The following SLC26A8 variants were observed in gnomAD, a reference collection of about 807,000 sequenced individuals.
SLC26A8 encodes the protein solute carrier family 26 member 8.
SLC26A8 carries 70 observed loss-of-function variants against 105.0 expected under a neutral mutation model. The observed-to-expected ratio is 0.67, with a 90% CI of 0.55 to 0.81. The LOEUF (loss-of-function observed/expected upper bound fraction) is 0.81. SLC26A8 is among the 40% of genes least tolerant of loss of function. The pLI, the probability that SLC26A8 is intolerant of heterozygous loss-of-function variation, is 0.00. For synonymous variants in SLC26A8, 415 were observed against 438.3 expected, an observed-to-expected ratio of 0.95 and a Z score of 0.66; for missense variants, 998 against 1,181.8, an observed-to-expected ratio of 0.84 and a Z score of 2.28.
chr6:35,987,265 G>A lies in SLC26A8; in HGVS notation c.942+4394C>T, dbSNP rs114282540. On this transcript the variant is annotated intron_variant, in intron 7 of 19. Coordinates refer to ENST00000490799, the MANE Select transcript of SLC26A8 (RefSeq NM_052961.4). ...TGAGATTGTAGCATTTTAACACATC[G>A]AAGTTATTTTTTTGCCCACACAAAG... Among the ~76,000 whole-genome samples, 582 of 152,286 alleles carry A rather than the reference G, an allele frequency of 3.8e-3. 3 individuals carry two copies. The highest frequency in any genetic ancestry group is 0.017 in the Middle Eastern group (5 of 294).
intron 7 of SLC26A8, among the ~76,000 whole-genome samples, chr6:35,983,264 A>G (rs1212257169): frequency 6.6e-6 from 1 of 152,226 alleles, no homozygotes; most frequent in East Asian, 1.9e-4. Flanking sequence ...TATATAATTA[A>G]GAGGCAAGAA....
At chr6:36,012,112 G>A (rs1298657086) in intron 3 of SLC26A8, 121 bp downstream of exon 3, 5 of 1,344,688 alleles carry the variant, frequency 3.7e-6, no homozygotes, top group Non-Finnish European at 4.1e-6. Flanking sequence ...AAATGGTAAT[G>A]CTGTGAATAA....
chr6:35,958,886 T>C (rs1772199757), intron 16 of SLC26A8, among the ~76,000 whole-genome samples: 2 of 152,174 alleles, frequency 1.3e-5, no homozygotes. Flanking sequence ...TTGGAAATAA[T>C]GAACACTTTG....
At position 36,024,601 on chromosome 6, in the gene SLC26A8, C is replaced by G. The variant is rs1471681392; in HGVS notation, c.-100G>C. On this transcript the variant is annotated 5_prime_UTR_variant, in exon 1 of 20. Transcript: ENST00000490799. ...GGACGCGGATACCGGCGGCGGTTCC[C>G]GAGCCGTTGTGGCCTAGCCCGCGGG... The G allele has an allele frequency of 2.7e-6, 1 of 372,608 alleles. No individual in the cohort carries two copies. 23.1% of individuals were successfully genotyped at this position (372,608 alleles called of 1,614,324 possible).
At chr6:35,987,660 C>T (rs990821877) in intron 7 of SLC26A8, among the ~76,000 whole-genome samples, 3 of 152,012 alleles carry the variant, frequency 2.0e-5, no homozygotes, top group Admixed American at 6.6e-5. Flanking sequence ...CGTGAGCCAC[C>T]GCTCCCAGTC....
At chr6:36,023,192 T>TCCATCCAA (rs1243549238) in intron 1 of SLC26A8, among the ~76,000 whole-genome samples, 3 of 151,434 alleles carry the variant, frequency 2.0e-5, no homozygotes, top group Non-Finnish European at 4.4e-5. Context: ...CATCCATCCA[T>TCCATCCAA]CCATCCATCC....
intron 19 of SLC26A8, 28 bp from the exon 20 acceptor site, chr6:35,944,368 T>G (rs557036118): frequency 1.3e-6 from 2 of 1,524,610 alleles, no homozygotes; most frequent in African/African-American, 2.7e-5. Context: ...GGGTTAAAAT[T>G]TCTAATTAAA....
At chr6:35,976,386 T>C (rs1259907989) in intron 9 of SLC26A8, among the ~76,000 whole-genome samples, 2 of 150,632 alleles carry the variant, frequency 1.3e-5, no homozygotes, top group Admixed American at 6.6e-5. Flanking sequence ...ATCATGCCAT[T>C]GCACTCCAGC....
At chr6:36,013,653 A>G (rs1395642503) in intron 2 of SLC26A8, among the ~76,000 whole-genome samples, 2 of 152,224 alleles carry the variant, frequency 1.3e-5, no homozygotes, top group East Asian at 3.8e-4. Flanking sequence ...ATCATCATTA[A>G]TCAACCAAGA....
chr6:35,959,310 G>C, intron 16 of SLC26A8, 150 bp downstream of exon 16: 1 of 856,256 alleles, frequency 1.2e-6, no homozygotes, highest in Non-Finnish European at 1.7e-6. Context: ...TCCAAGGTGA[G>C]AGGAACCTTG....
At chr6:35,968,644 T>C (rs1772647543) in intron 11 of SLC26A8, among the ~76,000 whole-genome samples, 1 of 109,718 alleles carries the variant, frequency 9.1e-6, no homozygotes, top group African/African-American at 4.7e-5. Flanking sequence ...TATATATATA[T>C]ATATATATAT....
intron 3 of SLC26A8, among the ~76,000 whole-genome samples, chr6:36,001,364 G>A (rs113067550): frequency 0.081 from 12,335 of 152,152 alleles, 557 homozygotes; most frequent in Non-Finnish European, 0.096. Context: ...TCCTGACCTC[G>A]TGATCCACCC....
Position 35,944,285 on chromosome 6 carries a change from A to T in SLC26A8, c.2528T>A (p.Val843Glu). ...TTGGATCTTGATGAAGCCTGGACTT[A>T]CATTTTTTTGGCTTCCTAGAAAACT... is the stretch of plus-strand genomic sequence containing the variant. ...SSSFLGSQKN[V>E]SPGFIKIQQP... Residue 843 changes from valine (V) to glutamate (E), a missense_variant, in exon 20 of 20, where the codon GTA (valine) becomes GAA (glutamate). Transcript: ENST00000490799. 6.2e-7 allele frequency: 1 copy of T among 1,613,944 alleles called. No individual in the cohort carries two copies. Among genetic ancestry groups the T allele is most frequent in the South Asian group, 1.1e-5 (1 of 91,060 alleles).
chr6:35,953,091 T>C lies in SLC26A8; in HGVS notation c.2233-1592A>G, dbSNP rs183173881. Among the ~76,000 whole-genome samples the C allele has an allele frequency of 1.8e-3, 266 of 150,582 alleles. 1 individual carries two copies. The highest frequency in any genetic ancestry group is 4.6e-3 in the Admixed American group (69 of 15,130). Reference sequence around the variant, plus strand: ...GTTTTCAATTATAAAGTAAATAGAATGATTTCTTCCAATAAGGAGGCAGTA... The same window carrying C: ...GTTTTCAATTATAAAGTAAATAGAACGATTTCTTCCAATAAGGAGGCAGTA... On this transcript the variant is annotated intron_variant, in intron 17 of 19. Coordinates refer to ENST00000490799, the MANE Select transcript of SLC26A8 (RefSeq NM_052961.4).
At chr6:35,955,951 C>T (rs937164084) in intron 16 of SLC26A8, among the ~76,000 whole-genome samples, 2 of 152,082 alleles carry the variant, frequency 1.3e-5, no homozygotes, top group Non-Finnish European at 2.9e-5. Context: ...AGACAAAAAG[C>T]ACTTGAAGGC....
intron 7 of SLC26A8, among the ~76,000 whole-genome samples, chr6:35,982,970 T>G (rs1002056259): frequency 1.3e-5 from 2 of 152,252 alleles, no homozygotes; most frequent in Non-Finnish European, 2.9e-5. Flanking sequence ...GCAGCTGTTA[T>G]AGCTTATAAA....
At chr6:36,007,948 G>A (rs1455352471) in intron 3 of SLC26A8, among the ~76,000 whole-genome samples, 2 of 151,902 alleles carry the variant, frequency 1.3e-5, no homozygotes, top group Admixed American at 6.6e-5. Flanking sequence ...GTGAAACCAC[G>A]TGTCTACTAA....
chr6:35,945,868 C>T (rs1241744314), intron 19 of SLC26A8, among the ~76,000 whole-genome samples: 1 of 152,178 alleles, frequency 6.6e-6, no homozygotes, highest in African/African-American at 2.4e-5. Flanking sequence ...CAGCCTGTAA[C>T]AGCATTCCTC....
intron 13 of SLC26A8, 31 bp from the exon 14 acceptor site, chr6:35,960,943 G>C: frequency 6.2e-7 from 1 of 1,614,040 alleles, no homozygotes; most frequent in South Asian, 1.1e-5. Flanking sequence ...CTTTAGGTCA[G>C]AGTTGGCTTA....
Sources: allele counts gnomAD v4.1 joint callset (sites outside exome capture counted in the v4.1 genomes callset), GRCh38; gene constraint gnomAD v4.1.1; transcripts MANE v1.5; gene names NCBI Gene and HGNC (gene_info 2026-07-23, HGNC 2026-07-21).